PIWIL2: variants seen among roughly 807,000 people sequenced by gnomAD.
The protein encoded by PIWIL2 is piwi like RNA-mediated gene silencing 2, also known as piwi-like protein 2.
A neutral mutation model predicts 116.5 loss-of-function variants in PIWIL2; 81 were observed. The ratio of observed to expected loss-of-function variants is 0.70; its 90% CI spans 0.58 to 0.84. The LOEUF is 0.84. Ranked by LOEUF, PIWIL2 falls within the 40% of genes least tolerant of loss-of-function variation. The pLI is 0.00. For synonymous variants in PIWIL2, 489 were observed against 429.5 expected (o/e 1.14, Z -1.71); for missense variants, 1,272 against 1,212.3 (o/e 1.05, Z -0.73).
chr8:22,304,579 C>A (rs1831130441), intron 11 of PIWIL2, among the ~76,000 whole-genome samples: 5 of 152,090 alleles, frequency 3.3e-5, no homozygotes, highest in Admixed American at 3.3e-4. Context: ...GAACTTTTAG[C>A]CTTATTTCTC....
At chr8:22,286,786 T>C (rs530263341) in intron 6 of PIWIL2, among the ~76,000 whole-genome samples, 48 of 152,008 alleles carry the variant, frequency 3.2e-4, no homozygotes, top group Non-Finnish European at 6.2e-4. Context: ...CACACCCCAC[T>C]AATTTTTTTG....
intron 19 of PIWIL2, among the ~76,000 whole-genome samples, chr8:22,317,358 A>G (rs1027351080): frequency 1.2e-4 from 18 of 152,196 alleles, no homozygotes; most frequent in African/African-American, 3.9e-4. Flanking sequence ...TTCTATGCCT[A>G]TATTAACACA....
chr8:22,333,150 C>A (rs1278512785), intron 20 of PIWIL2, among the ~76,000 whole-genome samples: 1 of 151,366 alleles, frequency 6.6e-6, no homozygotes, highest in African/African-American at 2.4e-5. Flanking sequence ...AGGGTAACTA[C>A]GAAAGGAAGA....
At chr8:22,350,135 A>G (rs974337471) in intron 20 of PIWIL2, among the ~76,000 whole-genome samples, 3 of 152,196 alleles carry the variant, frequency 2.0e-5, no homozygotes, top group Non-Finnish European at 4.4e-5. Context: ...AGAATTATCT[A>G]CCCACAAATG....
intron 20 of PIWIL2, among the ~76,000 whole-genome samples, chr8:22,327,195 AT>A (rs1831745090): frequency 6.6e-6 from 1 of 150,684 alleles, no homozygotes; most frequent in Non-Finnish European, 1.5e-5. Context: ...CACCCAGCTA[AT>A]TTTTGTTTTG....
At chr8:22,294,931 TAACTG>T (rs1203012465) in intron 10 of PIWIL2, among the ~76,000 whole-genome samples, 22 of 95,824 alleles carry the variant, frequency 2.3e-4, no homozygotes, top group African/African-American at 6.2e-4. Context: ...AAAAAAAAAT[TAACTG>T]GGCGTGGTGG....
At chr8:22,319,937 A>G (rs1831555671) in intron 20 of PIWIL2, among the ~76,000 whole-genome samples, 1 of 152,208 alleles carries the variant, frequency 6.6e-6, no homozygotes, top group South Asian at 2.1e-4. Flanking sequence ...GTCTGAAAGA[A>G]CATGTGGCAC....
chr8:22,332,909 A>G (rs1429160927), intron 20 of PIWIL2, among the ~76,000 whole-genome samples: 1 of 152,172 alleles, frequency 6.6e-6, no homozygotes, highest in Non-Finnish European at 1.5e-5. Context: ...AAGTAACAAT[A>G]TAAGTGACCA....
chr8:22,334,176 T>C (rs1440456585), intron 20 of PIWIL2, among the ~76,000 whole-genome samples: 1 of 151,856 alleles, frequency 6.6e-6, no homozygotes, highest in African/African-American at 2.4e-5. Flanking sequence ...GGTTTCATCA[T>C]GTTGGCCAGG....
intron 22 of PIWIL2, among the ~76,000 whole-genome samples, chr8:22,354,807 C>T (rs1032357168): frequency 2.3e-4 from 35 of 152,162 alleles, no homozygotes; most frequent in African/African-American, 8.4e-4. Flanking sequence ...CGGTGGCTCA[C>T]GCCTATAATC....
chr8:22,354,015 A>G (rs949850195), intron 21 of PIWIL2, among the ~76,000 whole-genome samples: 1 of 151,956 alleles, frequency 6.6e-6, no homozygotes, highest in South Asian at 2.1e-4. Context: ...GGCTCAAGCA[A>G]TCTGCCTGCC....
At chr8:22,305,286 G>A (rs1286588765) in intron 12 of PIWIL2, among the ~76,000 whole-genome samples, 1 of 151,820 alleles carries the variant, frequency 6.6e-6, no homozygotes, top group Non-Finnish European at 1.5e-5. Context: ...TCCGCCTCCC[G>A]GGTTCACATC....
chr8:22,340,778 T>C (rs1245256602), intron 20 of PIWIL2, among the ~76,000 whole-genome samples: 4 of 152,160 alleles, frequency 2.6e-5, no homozygotes, highest in African/African-American at 9.7e-5. Flanking sequence ...TGGAGTGCAG[T>C]GGCACGATCG....
intron 2 of PIWIL2, 122 bp from the exon 3 acceptor site, chr8:22,280,998 C>T (rs1039859692): frequency 1.5e-5 from 9 of 596,760 alleles, no homozygotes; most frequent in African/African-American, 3.9e-5. Context: ...AAAATGTTTC[C>T]CTTTATTCTT....
intron 20 of PIWIL2, among the ~76,000 whole-genome samples, chr8:22,323,273 G>A (rs974380346): frequency 6.7e-6 from 1 of 148,900 alleles, no homozygotes; most frequent in Admixed American, 6.9e-5. Context: ...TCAGCTTCCC[G>A]AGTAGCTGGG....
rs1265972416 is a variant in PIWIL2, at chr8:22,290,219, A to C, written c.1068-14A>C. On this transcript the variant is annotated splice_polypyrimidine_tract_variant and intron_variant, in intron 9 of 22. Coordinates refer to ENST00000356766, the MANE Select transcript of PIWIL2 (RefSeq NM_018068.5). ...CTTTGAAAATCCTACAGTTGAGACC[A>C]CCTCTCTCTCCAGATTGCAGATCTG... The C allele has an allele frequency of 5.9e-6, 9 of 1,523,006 alleles. No homozygotes were observed. The highest frequency in any genetic ancestry group is 8.2e-6 in the Non-Finnish European group (9 of 1,099,280). 94.3% of individuals were successfully genotyped at this position (1,523,006 alleles called of 1,614,324 possible). A position where few individuals can be genotyped will look rare whatever the true frequency, so the allele number is the denominator to read the frequency against.
At chr8:22,341,676 A>C (rs1832113508) in intron 20 of PIWIL2, among the ~76,000 whole-genome samples, 1 of 152,088 alleles carries the variant, frequency 6.6e-6, no homozygotes, top group Admixed American at 6.6e-5. Context: ...ATCTACAAAA[A>C]AGCTACAGCT....
rs901374890 is a variant in PIWIL2, at chr8:22,356,983, T to C, written c.*1478T>C. On this transcript the variant is annotated 3_prime_UTR_variant, in exon 23 of 23. Coordinates refer to ENST00000356766, the MANE Select transcript of PIWIL2 (RefSeq NM_018068.5). ...TTTCTAATTTGTATTTATGTACTTA[T>C]TTATTTTTTGGTATGATGGCAGGGA... 1 of 152,190 alleles carries C rather than the reference T, an allele frequency of 6.6e-6. No homozygotes were observed. The allele number at this position is 152,190 out of a possible 1,614,324, so 9.4% of individuals were successfully genotyped here.
rs1180956832 is a variant in PIWIL2 at position 22,281,471 on chromosome 8, G to A, written c.381G>A (p.Ala127=). The A allele has an allele frequency of 8.7e-6, 14 of 1,601,220 alleles. No homozygotes were observed. Among genetic ancestry groups the A allele is most frequent in the East Asian group, 2.2e-5 (1 of 44,712 alleles). ...CTTTTTGGGATCCAAAAGTGTTGGC[G>A]GCTGGGGACAGCAAGATGGCAGAGA... The part of the protein sequence containing the change: ...SPTFWDPKVL[A]AGDSKMAETS... The change falls in exon 4 of 23, where the codon GCG becomes GCA. Residue 127 remains alanine, a synonymous_variant. Transcript: ENST00000356766.
Sources: allele counts gnomAD v4.1 joint callset (sites outside exome capture counted in the v4.1 genomes callset), GRCh38; gene constraint gnomAD v4.1.1; transcripts MANE v1.5; gene names NCBI Gene and HGNC (gene_info 2026-07-23, HGNC 2026-07-21).